Variants in BRINP2 observed in about 807,000 individuals in gnomAD.
BRINP2 encodes the protein BMP/retinoic acid inducible neural specific 2.
BRINP2 carries 21 observed loss-of-function variants against 69.2 expected under a neutral mutation model. That is an observed-to-expected ratio of 0.30 (90% CI 0.22 to 0.44). The LOEUF is 0.44. Ranked by LOEUF, BRINP2 falls within the 20% of genes least tolerant of loss-of-function variation. The pLI is 1.00. For missense variants in BRINP2, 877 were observed against 986.0 expected, an observed-to-expected ratio of 0.89 and a Z score of 1.48; for synonymous variants, 380 against 394.1, an observed-to-expected ratio of 0.96 and a Z score of 0.42.
chr1:177,266,631 G>T (rs1378253108), intron 4 of BRINP2, among the ~76,000 whole-genome samples: 14 of 151,644 alleles, frequency 9.2e-5, no homozygotes. Flanking sequence ...GTGGTGGCGG[G>T]CACCTGTAGT....
At chr1:177,186,503 T>A (rs1648429723) in intron 1 of BRINP2, among the ~76,000 whole-genome samples, 1 of 152,020 alleles carries the variant, frequency 6.6e-6, no homozygotes, top group Non-Finnish European at 1.5e-5. Flanking sequence ...ACAGGAGCAG[T>A]GTTTGGTCTC....
chr1:177,238,685 A>G (rs1476695034), intron 2 of BRINP2, among the ~76,000 whole-genome samples: 1 of 152,226 alleles, frequency 6.6e-6, no homozygotes, highest in Non-Finnish European at 1.5e-5. Context: ...CAATTCTCCC[A>G]TGGGAAGAAA....
chr1:177,257,794 G>A (rs1650818531), intron 4 of BRINP2, among the ~76,000 whole-genome samples: 1 of 152,216 alleles, frequency 6.6e-6, no homozygotes, highest in Admixed American at 6.5e-5. Flanking sequence ...GCACTTTGGG[G>A]TTTAGACTTT....
intron 2 of BRINP2, among the ~76,000 whole-genome samples, chr1:177,230,666 A>T (rs1184709071): frequency 2.0e-5 from 3 of 152,234 alleles, no homozygotes; most frequent in African/African-American, 4.8e-5. Flanking sequence ...GCCTTGTGGG[A>T]AAAAGGGGTT....
In BRINP2 at chr1:177,177,294, A is replaced by AAAC. The variant is rs149219703; in HGVS notation, c.-77+5589_-77+5591dup. On this transcript the variant is annotated intron_variant, in intron 1 of 7. Coordinates refer to ENST00000361539, the MANE Select transcript of BRINP2 (RefSeq NM_021165.4). ...AGACTCTTTATAAAAACAAACAAAC[A>AAAC]AACAACAACAACAACAACAACAACA... 6.1e-3 allele frequency among the ~76,000 whole-genome samples: 922 copies of AAAC among 151,290 alleles called. 7 individuals carry two copies. Among genetic ancestry groups the AAAC allele is most frequent in the South Asian group, 0.013 (61 of 4,778 alleles).
At chr1:177,268,380 C>T (rs1651195813) in intron 4 of BRINP2, among the ~76,000 whole-genome samples, 1 of 152,186 alleles carries the variant, frequency 6.6e-6, no homozygotes, top group African/African-American at 2.4e-5. Context: ...CCAGCACATT[C>T]ATTACTCTTG....
At chr1:177,184,110 A>G (rs1281603630) in intron 1 of BRINP2, among the ~76,000 whole-genome samples, 1 of 152,094 alleles carries the variant, frequency 6.6e-6, no homozygotes. Flanking sequence ...TTTGGCTTTT[A>G]TTTTACTTTA....
chr1:177,236,837 C>A (rs1650042651), intron 2 of BRINP2, among the ~76,000 whole-genome samples: 2 of 151,906 alleles, frequency 1.3e-5, no homozygotes, highest in South Asian at 4.2e-4. Context: ...CTGTTCTTCC[C>A]CACTGGTTAT....
intron 2 of BRINP2, among the ~76,000 whole-genome samples, chr1:177,253,928 G>A (rs923319102): frequency 3.3e-5 from 5 of 152,124 alleles, no homozygotes; most frequent in Admixed American, 1.3e-4. Context: ...CTGTTATGAT[G>A]AGCAGATTTG....
intron 5 of BRINP2, among the ~76,000 whole-genome samples, 185 bp downstream of exon 5, chr1:177,273,778 G>A (rs1295759770): frequency 6.6e-6 from 1 of 152,082 alleles, no homozygotes; most frequent in Non-Finnish European, 1.5e-5. Flanking sequence ...AAACCTTCTG[G>A]TATGGTTTGT....
At chr1:177,240,644 A>C (rs759817016) in intron 2 of BRINP2, among the ~76,000 whole-genome samples, 12 of 152,272 alleles carry the variant, frequency 7.9e-5, no homozygotes, top group Non-Finnish European at 1.5e-4. Context: ...CTGAGAATAC[A>C]TTATTTTGTC....
chr1:177,175,209 C>T (rs1648052141), intron 1 of BRINP2, among the ~76,000 whole-genome samples: 1 of 152,150 alleles, frequency 6.6e-6, no homozygotes, highest in South Asian at 2.1e-4. Flanking sequence ...TGTACATAAC[C>T]TCTTGTCTCC....
In BRINP2 at chr1:177,182,932, G is replaced by C. The variant is rs574252087; in HGVS notation, c.-77+11200G>C. Among the ~76,000 whole-genome samples, 25 of 151,712 alleles carry C rather than the reference G, an allele frequency of 1.6e-4. No homozygotes were observed. The East Asian group carries it at 4.6e-3, about 28-fold the overall frequency. ...GACAGTTCTTTTTCTTAAACTTAGG[G>C]GTTTTGTTGTTGTTGTTGTTGTTTT... On this transcript the variant is annotated intron_variant, in intron 1 of 7. Transcript: ENST00000361539.
At chr1:177,247,982 A>G (rs1249016391) in intron 2 of BRINP2, among the ~76,000 whole-genome samples, 3 of 152,150 alleles carry the variant, frequency 2.0e-5, no homozygotes. Context: ...ATAGAGCTGC[A>G]TGCTTAGGAT....
chr1:177,274,312 T>C (rs1651426403), intron 5 of BRINP2, among the ~76,000 whole-genome samples: 1 of 152,168 alleles, frequency 6.6e-6, no homozygotes, highest in African/African-American at 2.4e-5. Flanking sequence ...ACTGATTCAG[T>C]GGGAAAACTT....
chr1:177,203,658 C>G (rs1648987342), intron 1 of BRINP2, among the ~76,000 whole-genome samples: 4 of 152,000 alleles, frequency 2.6e-5, no homozygotes, highest in Admixed American at 2.6e-4. Context: ...AAACCATAAC[C>G]AATTCACTTT....
rs149241900 is a variant in BRINP2, at chr1:177,215,464, G to T, written c.-76-14337G>T. Among the ~76,000 whole-genome samples, 407 of 152,230 alleles carry T rather than the reference G, an allele frequency of 2.7e-3. 2 individuals are homozygous for T. The highest frequency in any genetic ancestry group is 9.4e-3 in the African/African-American group (390 of 41,562). ...ATTTTTTTATAGCCATTGTAAATGA[G>T]ATTGTTCTCTTGATTCCTTTTTTAG... is the stretch of plus-strand genomic sequence containing the variant. On this transcript the variant is annotated intron_variant, in intron 1 of 7. Transcript: ENST00000361539.
At chr1:177,269,339 T>C (rs561804503) in intron 4 of BRINP2, among the ~76,000 whole-genome samples, 1 of 152,350 alleles carries the variant, frequency 6.6e-6, no homozygotes, top group South Asian at 2.1e-4. Context: ...GTTGTATACA[T>C]AGACATCCTG....
intron 4 of BRINP2, among the ~76,000 whole-genome samples, chr1:177,260,615 C>G (rs934463138): frequency 6.6e-6 from 1 of 152,154 alleles, no homozygotes; most frequent in African/African-American, 2.4e-5. Flanking sequence ...CAACCTTCAG[C>G]AACCACCACC....
Sources: allele counts gnomAD v4.1 joint callset (sites outside exome capture counted in the v4.1 genomes callset), GRCh38; gene constraint gnomAD v4.1.1; transcripts MANE v1.5; gene names NCBI Gene and HGNC (gene_info 2026-07-23, HGNC 2026-07-21).